Variants in TMEM114 observed in about 807,000 individuals in gnomAD.
The protein encoded by TMEM114 is transmembrane protein 114.
TMEM114 carries 6 observed loss-of-function variants against 6.2 expected under a neutral mutation model. The observed-to-expected ratio is 0.97, with a 90% CI of 0.53 to 1.91. TMEM114 has a LOEUF of 1.91. Among genes scored for constraint, TMEM114 ranks in the 40% most tolerant of loss-of-function variants. The pLI, the probability that TMEM114 is intolerant of heterozygous loss-of-function variation, is 0.01. For synonymous variants in TMEM114, 104 were observed against 73.0 expected (o/e 1.42, Z -2.16); for missense variants, 218 against 158.3 (o/e 1.38, Z -2.02).
chr16:8,531,357 C>T, the TMEM114 span, among the ~76,000 whole-genome samples: 3 of 152,188 alleles, frequency 2.0e-5, no homozygotes, highest in African/African-American at 7.2e-5. Flanking sequence ...AAAACCACAA[C>T]ACATAACTTA....
At chr16:8,571,962 C>T (rs539421624) in intron 3 of TMEM114, 125 bp downstream of exon 3, 2 of 1,228,038 alleles carry the variant, frequency 1.6e-6, no homozygotes, top group Non-Finnish European at 2.2e-6. Context: ...AACTGATATC[C>T]CAGAAGGGGA....
intron 2 of TMEM114, 179 bp from the exon 3 acceptor site, chr16:8,572,403 C>G (rs547707479): frequency 1.4e-6 from 1 of 697,548 alleles, no homozygotes; most frequent in South Asian, 1.8e-5. Context: ...GTGGTTGAGG[C>G]TCATCTCGTG....
chr16:8,580,552 C>T (rs1902105769), intron 2 of TMEM114, among the ~76,000 whole-genome samples: 1 of 151,856 alleles, frequency 6.6e-6, no homozygotes, highest in Non-Finnish European at 1.5e-5. Flanking sequence ...ACCCCAAGCC[C>T]TGTGTCTTCC....
intron 2 of TMEM114, among the ~76,000 whole-genome samples, chr16:8,545,493 G>T (rs927951400): frequency 2.0e-5 from 3 of 152,072 alleles, no homozygotes; most frequent in Non-Finnish European, 4.4e-5. Context: ...ATCACCTATT[G>T]CTATCAAGTT....
Position 8,556,571 on chromosome 16 carries a change from G to C in TMEM114, n.213-18745C>G, listed in dbSNP as rs1476450942. 2.0e-5 allele frequency among the ~76,000 whole-genome samples: 3 copies of C among 151,976 alleles called. 1 individual carries two copies. The South Asian group carries it at 6.2e-4, about 32-fold the overall frequency. On this transcript the variant is annotated intron_variant and non_coding_transcript_variant, in intron 2 of 2. Coordinates refer to the TMEM114 transcript ENST00000623677. ...GGCTGGAGTGCAATGGCGTGATCTT[G>C]GCTCACTGCAACCTCCGCCTCCCGA...
At chr16:8,587,633 T>C (rs1902356845) in intron 2 of TMEM114, among the ~76,000 whole-genome samples, 1 of 152,242 alleles carries the variant, frequency 6.6e-6, no homozygotes, top group African/African-American at 2.4e-5. Flanking sequence ...AGAGGGACCC[T>C]ACCAAGCCTT....
At chr16:8,565,456 G>T (rs565007603), downstream of TMEM114, among the ~76,000 whole-genome samples, 1 of 152,268 alleles carries the variant, frequency 6.6e-6, no homozygotes, top group South Asian at 2.1e-4. Flanking sequence ...GTTCCAGCCA[G>T]GTCTGGACCT....
downstream of TMEM114, among the ~76,000 whole-genome samples, chr16:8,533,699 G>A (rs1900280704): frequency 6.6e-6 from 1 of 152,206 alleles, no homozygotes; most frequent in Admixed American, 6.5e-5. Context: ...ATTCAACTGA[G>A]TGTCCCATGA....
At chr16:8,558,907 A>AT (rs556739377) in intron 2 of TMEM114, among the ~76,000 whole-genome samples, 9,405 of 149,384 alleles carry the variant, frequency 0.063, 997 homozygotes, top group African/African-American at 0.22. Flanking sequence ...TGCCCAGCTA[A>AT]TTTTTTTTTG....
intron 2 of TMEM114, among the ~76,000 whole-genome samples, chr16:8,538,954 C>T (rs1238818685): frequency 6.6e-6 from 1 of 152,106 alleles, no homozygotes; most frequent in Admixed American, 6.5e-5. Context: ...AAACAGTTTA[C>T]CACTGTGTCC....
chr16:8,537,558 C>T (rs1900395285), downstream of TMEM114: 1 of 151,976 alleles, frequency 6.6e-6, no homozygotes, highest in African/African-American at 2.4e-5. Context: ...AATAAATCTG[C>T]CACCAGGATA....
intron 3 of TMEM114, among the ~76,000 whole-genome samples, chr16:8,571,840 G>A (rs1194594998): frequency 1.3e-5 from 2 of 152,168 alleles, no homozygotes; most frequent in African/African-American, 2.4e-5. Context: ...AATACATGCG[G>A]CTTCTTTGGT....
chr16:8,550,494 C>T (rs926939264), intron 2 of TMEM114, among the ~76,000 whole-genome samples: 9 of 152,050 alleles, frequency 5.9e-5, no homozygotes, highest in Non-Finnish European at 1.0e-4. Context: ...GCCTGACCAA[C>T]ATGGTGAAAC....
At chr16:8,532,881 G>A (rs1311505881), downstream of TMEM114, among the ~76,000 whole-genome samples, 2 of 152,216 alleles carry the variant, frequency 1.3e-5, no homozygotes, top group South Asian at 2.1e-4. Flanking sequence ...CCGAGATCAC[G>A]CCACTGCACT....
At chr16:8,567,341 G>A (rs7194717), downstream of TMEM114, among the ~76,000 whole-genome samples, 1 of 152,054 alleles carries the variant, frequency 6.6e-6, no homozygotes, top group Non-Finnish European at 1.5e-5. Context: ...CCACCCCCAT[G>A]AATGTGTCCC....
the TMEM114 span, among the ~76,000 whole-genome samples, chr16:8,527,014 C>G: frequency 6.6e-6 from 1 of 152,150 alleles, no homozygotes; most frequent in African/African-American, 2.4e-5. Flanking sequence ...TCAAGACCAG[C>G]CTGGCCAACA....
At chr16:8,561,699 A>G in intron 2 of TMEM114, among the ~76,000 whole-genome samples, 1 of 152,154 alleles carries the variant, frequency 6.6e-6, no homozygotes, top group South Asian at 2.1e-4. Context: ...GCGAGTGAAT[A>G]AATGAATCAG....
chr16:8,530,784 G>A, the TMEM114 span, among the ~76,000 whole-genome samples: 5 of 152,102 alleles, frequency 3.3e-5, no homozygotes, highest in South Asian at 2.1e-4. Context: ...AGCACTTTGG[G>A]AGGCCGAGTC....
At chr16:8,531,070 G>C in the TMEM114 span, among the ~76,000 whole-genome samples, 3 of 151,778 alleles carry the variant, frequency 2.0e-5, no homozygotes, top group African/African-American at 4.8e-5. Flanking sequence ...GGAGGAGTGA[G>C]GAAAAAAAGG....
Sources: allele counts gnomAD v4.1 joint callset (sites outside exome capture counted in the v4.1 genomes callset), GRCh38; gene constraint gnomAD v4.1.1; transcripts MANE v1.5; gene names NCBI Gene and HGNC (gene_info 2026-07-23, HGNC 2026-07-21).